ZMIZ1: variants seen among roughly 807,000 people sequenced by gnomAD.
ZMIZ1 encodes the protein zinc finger MIZ-type containing 1, also known as zinc finger MIZ domain-containing protein 1.
Under a neutral mutation model 113.9 loss-of-function variants are expected in ZMIZ1, and 17 were observed. The observed-to-expected ratio is 0.15, with a 90% confidence interval of 0.10 to 0.22. The LOEUF (loss-of-function observed/expected upper bound fraction) is 0.22. ZMIZ1 is among the 10% of genes least tolerant of loss of function. ZMIZ1 has a pLI of 1.00. For missense variants in ZMIZ1, 1,059 were observed against 1,477.8 expected, an observed-to-expected ratio of 0.72 and a Z score of 4.65; for synonymous variants, 607 against 603.1, an observed-to-expected ratio of 1.01 and a Z score of -0.09.
At chr10:79,196,847 C>T (rs905762882) in intron 4 of ZMIZ1, among the ~76,000 whole-genome samples, 3 of 152,244 alleles carry the variant, frequency 2.0e-5, no homozygotes, top group Non-Finnish European at 4.4e-5. Flanking sequence ...ACTTGCCCCT[C>T]TGCAGCATCC....
At chr10:79,212,146 CTT>C (rs559880923) in intron 6 of ZMIZ1, among the ~76,000 whole-genome samples, 14 of 147,034 alleles carry the variant, frequency 9.5e-5, no homozygotes, top group African/African-American at 2.5e-4. Flanking sequence ...CCGTCTTCTT[CTT>C]TTTTTTTTTA....
intron 4 of ZMIZ1, among the ~76,000 whole-genome samples, chr10:79,164,215 G>T (rs1425771019): frequency 6.6e-6 from 1 of 152,220 alleles, no homozygotes; most frequent in Non-Finnish European, 1.5e-5. Flanking sequence ...GCAGCGTGGG[G>T]CTCCGCTCTT....
At chr10:79,132,797 C>G (rs1201372899) in intron 2 of ZMIZ1, among the ~76,000 whole-genome samples, 1 of 152,088 alleles carries the variant, frequency 6.6e-6, no homozygotes, top group African/African-American at 2.4e-5. Flanking sequence ...GGACTGTGTT[C>G]TAGGGAAGAT....
chr10:79,216,983 T>C (rs1848757565), intron 7 of ZMIZ1, among the ~76,000 whole-genome samples: 1 of 152,242 alleles, frequency 6.6e-6, no homozygotes, highest in South Asian at 2.1e-4. Flanking sequence ...ATAACCTGGC[T>C]TAGGCCACAG....
chr10:79,241,909 G>C (rs1849850619), intron 7 of ZMIZ1, among the ~76,000 whole-genome samples: 1 of 152,116 alleles, frequency 6.6e-6, no homozygotes, highest in South Asian at 2.1e-4. Context: ...CCAATACAGA[G>C]GAGATTTTAA....
chr10:79,202,181 C>G (rs1293192444), intron 5 of ZMIZ1, among the ~76,000 whole-genome samples: 1 of 105,742 alleles, frequency 9.5e-6, no homozygotes, highest in Non-Finnish European at 1.8e-5. Context: ...TAGCAAGACC[C>G]TGTCTCAGAA....
At chr10:79,214,195 T>G (rs1189403434) in intron 6 of ZMIZ1, among the ~76,000 whole-genome samples, 2 of 152,174 alleles carry the variant, frequency 1.3e-5, no homozygotes, top group African/African-American at 2.4e-5. Flanking sequence ...TTTTTCTATG[T>G]GGACAGTGAG....
At chr10:79,110,620 G>A (rs767474200) in intron 1 of ZMIZ1, among the ~76,000 whole-genome samples, 8 of 152,196 alleles carry the variant, frequency 5.3e-5, no homozygotes, top group Admixed American at 1.3e-4. Flanking sequence ...TGTGCCCTCT[G>A]CAGCCACCCA....
At chr10:79,110,460 C>T (rs530251500) in intron 1 of ZMIZ1, among the ~76,000 whole-genome samples, 1 of 152,284 alleles carries the variant, frequency 6.6e-6, no homozygotes, top group East Asian at 1.9e-4. Flanking sequence ...TCCGTCCCAC[C>T]GAAGAAGAGT....
At chr10:79,077,278 G>A (rs1010047002) in intron 1 of ZMIZ1, among the ~76,000 whole-genome samples, 4 of 151,946 alleles carry the variant, frequency 2.6e-5, no homozygotes, top group East Asian at 1.9e-4. Flanking sequence ...ACCACTCAGC[G>A]ACCTAGCCAA....
In ZMIZ1 at chr10:79,253,432, T is replaced by A. The variant is rs1350579944; in HGVS notation, c.281-23749T>A. 7.2e-5 allele frequency among the ~76,000 whole-genome samples: 11 copies of A among 152,268 alleles called. No homozygotes were observed. The East Asian group carries it at 2.1e-3, about 29-fold the overall frequency. On this transcript the variant is annotated intron_variant, in intron 7 of 24. Coordinates refer to ENST00000334512, the MANE Select transcript of ZMIZ1 (RefSeq NM_020338.4). The stretch of plus-strand genomic sequence containing the variant: ...AATGTGTTGACACATTCCAATCCCC[T>A]TGGGGCTTACGGGTACCTGCACTGT...
intron 17 of ZMIZ1, 51 bp from the exon 18 acceptor site, chr10:79,302,056 C>A (rs533039175): frequency 7.6e-6 from 12 of 1,581,844 alleles, no homozygotes; most frequent in Non-Finnish European, 1.0e-5. Context: ...GCAGGCAGGG[C>A]GGGGTGTGGG....
chr10:79,296,584 G>A lies in ZMIZ1; in HGVS notation c.1344G>A (p.Gln448=). ...TCACCTCCCCCAACTACCCAGGACA[G>A]AGGATGCCCAGCCAGCCGAGCTCCG... ...RPLTSPNYPG[Q]RMPSQPSSGQ... is the part of the protein sequence containing the mutation. The change falls in exon 13 of 25, where the codon CAG becomes CAA. Residue 448 remains glutamine, a synonymous_variant. Coordinates refer to ENST00000334512, the MANE Select transcript of ZMIZ1 (RefSeq NM_020338.4). The surrounding 1 kb of genome is among the most constrained non-coding windows in gnomAD (Gnocchi z 4.1). The A allele has an allele frequency of 6.2e-7, 1 of 1,609,944 alleles. No individual in the cohort carries two copies. The highest frequency in any genetic ancestry group is 8.5e-7 in the Non-Finnish European group (1 of 1,178,268).
intron 3 of ZMIZ1, among the ~76,000 whole-genome samples, chr10:79,141,302 C>T (rs560659750): frequency 1.7e-4 from 26 of 152,306 alleles, no homozygotes; most frequent in African/African-American, 3.6e-4. Flanking sequence ...CCTGCCCTTA[C>T]GGCGCTTGTA....
At chr10:79,168,093 C>T (rs1199724638) in intron 4 of ZMIZ1, among the ~76,000 whole-genome samples, 2 of 152,230 alleles carry the variant, frequency 1.3e-5, no homozygotes, top group African/African-American at 4.8e-5. Flanking sequence ...CCCTCTGGAG[C>T]CAATTTTCCT....
chr10:79,168,352 A>G (rs1351669034), intron 4 of ZMIZ1, among the ~76,000 whole-genome samples: 2 of 152,054 alleles, frequency 1.3e-5, no homozygotes, highest in Non-Finnish European at 2.9e-5. Context: ...TTCTTTCCCC[A>G]GCCCATTCCC....
chr10:79,291,899 G>T (rs1853518789), intron 10 of ZMIZ1, among the ~76,000 whole-genome samples: 1 of 152,210 alleles, frequency 6.6e-6, no homozygotes, highest in South Asian at 2.1e-4. Flanking sequence ...GGTTCTCTGA[G>T]ACTCAGTGTC....
At chr10:79,281,090 G>A (rs1353361871) in intron 8 of ZMIZ1, among the ~76,000 whole-genome samples, 1 of 152,232 alleles carries the variant, frequency 6.6e-6, no homozygotes, top group Non-Finnish European at 1.5e-5. Context: ...CTAGGGACCA[G>A]CCTCAGACCT....
chr10:79,203,687 C>G (rs1848195643), intron 5 of ZMIZ1, among the ~76,000 whole-genome samples: 1 of 152,252 alleles, frequency 6.6e-6, no homozygotes, highest in Admixed American at 6.5e-5. Flanking sequence ...TTGGCCCTCC[C>G]TGGGTCCATC....
Sources: gnomAD v4.1 joint callset for allele counts (sites outside exome capture counted in the v4.1 genomes callset) on GRCh38, gnomAD v4.1.1 for gene constraint, Gnocchi (gnomAD v3.1) non-coding constraint, MANE v1.5 for transcripts, NCBI Gene and HGNC (gene_info 2026-07-23, HGNC 2026-07-21) for gene names.